TNIP3: variants seen among roughly 807,000 people sequenced by gnomAD.
The protein encoded by TNIP3 is TNFAIP3-interacting protein 3.
TNIP3 carries 34 observed loss-of-function variants against 54.1 expected under a neutral mutation model. The ratio of observed to expected loss-of-function variants is 0.63; its 90% CI spans 0.48 to 0.84. The LOEUF (loss-of-function observed/expected upper bound fraction) is 0.84, where lower values mean the gene tolerates loss of function less well. Ranked by LOEUF, TNIP3 falls within the 40% of genes least tolerant of loss-of-function variation. TNIP3 has a pLI of 0.00. For synonymous variants in TNIP3, 134 were observed against 136.8 expected, an observed-to-expected ratio of 0.98 and a Z score of 0.14; for missense variants, 366 against 387.6, an observed-to-expected ratio of 0.94 and a Z score of 0.47.
chr4:121,146,767 A>G (rs1170740131), intron 7 of TNIP3, among the ~76,000 whole-genome samples: 1 of 152,178 alleles, frequency 6.6e-6, no homozygotes, highest in East Asian at 1.9e-4. Flanking sequence ...CTCTCATTCT[A>G]CCAAGATAAA....
At chr4:121,172,372 C>T (rs2148821979) in intron 3 of TNIP3, among the ~76,000 whole-genome samples, 1 of 152,216 alleles carries the variant, frequency 6.6e-6, no homozygotes, top group South Asian at 2.1e-4. Flanking sequence ...TACCACATGA[C>T]CCTAAGGACT....
Position 121,150,606 on chromosome 4 carries a change from C to T in TNIP3, c.493-387G>A, listed in dbSNP as rs565641692. On this transcript the variant is annotated intron_variant, in intron 5 of 10. Coordinates refer to ENST00000057513, the MANE Select transcript of TNIP3 (RefSeq NM_024873.6). ...GGAAAATCAGAGGCAGCAAATATGCCCATCCCTTGGTACTGACTCCCAGAG... is the reference window on the plus strand; with the variant it reads ...GGAAAATCAGAGGCAGCAAATATGCTCATCCCTTGGTACTGACTCCCAGAG... 2.1e-4 allele frequency among the ~76,000 whole-genome samples: 32 copies of T among 152,234 alleles called. 1 individual carries two copies. In the South Asian group the frequency reaches 6.4e-3, roughly 31 times the overall value.
chr4:121,146,616 A>C (rs556262185), intron 7 of TNIP3, among the ~76,000 whole-genome samples: 60 of 152,332 alleles, frequency 3.9e-4, no homozygotes, highest in Non-Finnish European at 7.9e-4. Flanking sequence ...ACCACTGAAC[A>C]AAATCCTCAG....
intron 9 of TNIP3, 53 bp from the exon 10 acceptor site, chr4:121,138,737 G>T (rs1459460309): frequency 1.3e-6 from 2 of 1,499,926 alleles, no homozygotes; most frequent in Admixed American, 1.7e-5. Context: ...AAATATAGTG[G>T]CATGTCAAAA....
At position 121,227,064 on chromosome 4, in the gene TNIP3, G is replaced by A. The variant is rs191136286; in HGVS notation, c.3+321C>T. Among the ~76,000 whole-genome samples, 51 of 152,200 alleles carry A rather than the reference G, an allele frequency of 3.4e-4. No homozygotes were observed. In the East Asian group the frequency reaches 9.9e-3, roughly 29 times the overall value. ...TTTTAGAAGTAATAAAGCAAATAGG[G>A]TAACATTCACTTAGTTAAATGTGTC... On this transcript the variant is annotated intron_variant, in intron 1 of 12. Coordinates refer to the TNIP3 transcript ENST00000509841.
At chr4:121,149,629 T>G (rs1019136495) in intron 6 of TNIP3, among the ~76,000 whole-genome samples, 4 of 152,026 alleles carry the variant, frequency 2.6e-5, no homozygotes, top group Non-Finnish European at 5.9e-5. Context: ...AGCTGGGCAT[T>G]GTGGTGCATG....
chr4:121,197,970 C>T (rs115785183), intron 2 of TNIP3, among the ~76,000 whole-genome samples: 1,647 of 152,244 alleles, frequency 0.011, 26 homozygotes, highest in African/African-American at 0.038. Context: ...GTGAAAGATT[C>T]ACTGATATTA....
chr4:121,150,002 T>C (rs560702458), intron 6 of TNIP3, 101 bp downstream of exon 6: 16 of 717,010 alleles, frequency 2.2e-5, no homozygotes, highest in Non-Finnish European at 3.7e-5. Flanking sequence ...TGCAAAAACC[T>C]TTGACATATT....
chr4:121,136,956 A>G (rs1728821988), intron 10 of TNIP3, among the ~76,000 whole-genome samples: 2 of 151,806 alleles, frequency 1.3e-5, no homozygotes, highest in Admixed American at 1.3e-4. Flanking sequence ...ATGTTTATAC[A>G]TCACAAAGCT....
intron 2 of TNIP3, among the ~76,000 whole-genome samples, chr4:121,208,872 A>G (rs903934293): frequency 3.3e-5 from 5 of 152,334 alleles, no homozygotes; most frequent in African/African-American, 1.2e-4. Context: ...GGTGGAATCC[A>G]TGGAGAGCTT....
chr4:121,139,334 G>A (rs182994710), intron 9 of TNIP3, among the ~76,000 whole-genome samples: 26 of 152,204 alleles, frequency 1.7e-4, no homozygotes, highest in Non-Finnish European at 3.2e-4. Context: ...ATTGAATGTC[G>A]AACAAATTGC....
rs17051307 is a variant in TNIP3 at position 121,175,620 on chromosome 4, G to A, written c.189+7056C>T. ...GTTTTCTGTAACTCTTTCTTTTGTG[G>A]AACATGGGACAAATTCTCCCAGTGA... On this transcript the variant is annotated intron_variant, in intron 3 of 12. Coordinates refer to the TNIP3 transcript ENST00000507879. 5.3e-3 allele frequency among the ~76,000 whole-genome samples: 807 copies of A among 152,252 alleles called. 10 individuals carry two copies. Among genetic ancestry groups the A allele is most frequent in the African/African-American group, 0.019 (771 of 41,518 alleles).
chr4:121,200,471 G>A (rs934446519), intron 2 of TNIP3, among the ~76,000 whole-genome samples: 6 of 152,014 alleles, frequency 3.9e-5, no homozygotes, highest in Admixed American at 6.6e-5. Context: ...TCATCTTTAC[G>A]CAGAGCTTTG....
At chr4:121,149,956 C>T in intron 6 of TNIP3, 147 bp downstream of exon 6, 1 of 578,752 alleles carries the variant, frequency 1.7e-6, no homozygotes, top group Non-Finnish European at 3.1e-6. Context: ...TTCTTTCTAT[C>T]AAGCTTGAAA....
chr4:121,164,234 A>T lies in TNIP3; in HGVS notation c.-109T>A. The T allele has an allele frequency of 6.4e-7, 1 of 1,561,788 alleles. No individual in the cohort carries two copies. On this transcript the variant is annotated 5_prime_UTR_variant, in exon 1 of 11. An upstream start codon of the reference 5' UTR is lost. Coordinates refer to ENST00000057513, the MANE Select transcript of TNIP3 (RefSeq NM_024873.6). Reference sequence around the variant, plus strand: ...AGTATACAAAATTTAAAAAACACACATCACCGTTAACTCATAATAGAAAAT... The same window carrying T: ...AGTATACAAAATTTAAAAAACACACTTCACCGTTAACTCATAATAGAAAAT...
At chr4:121,194,277 A>C (rs1354558141) in intron 2 of TNIP3, among the ~76,000 whole-genome samples, 3 of 152,162 alleles carry the variant, frequency 2.0e-5, no homozygotes, top group African/African-American at 7.2e-5. Flanking sequence ...GGAAAAAAAT[A>C]TTTTTGTGCA....
intron 2 of TNIP3, among the ~76,000 whole-genome samples, chr4:121,159,022 C>CA (rs1343804626): frequency 6.6e-6 from 1 of 152,184 alleles, no homozygotes; most frequent in Non-Finnish European, 1.5e-5. Context: ...CAGGTGGGAT[C>CA]ACTTGAGGTC....
chr4:121,189,231 C>G (rs964809323), intron 2 of TNIP3, among the ~76,000 whole-genome samples: 3 of 152,190 alleles, frequency 2.0e-5, no homozygotes, highest in Non-Finnish European at 4.4e-5. Context: ...TCAAATGCCA[C>G]ATTTCTTCCC....
intron 2 of TNIP3, among the ~76,000 whole-genome samples, chr4:121,213,795 A>T (rs1309117808): frequency 6.6e-6 from 1 of 152,134 alleles, no homozygotes; most frequent in East Asian, 1.9e-4. Flanking sequence ...TGCTTTAGAA[A>T]AATTAAAATA....
Sources: gnomAD v4.1 joint callset for allele counts (sites outside exome capture counted in the v4.1 genomes callset) on GRCh38, gnomAD v4.1.1 for gene constraint, MANE v1.5 for transcripts, NCBI Gene and HGNC (gene_info 2026-07-23, HGNC 2026-07-21) for gene names.